The following KLF15 variants were observed in gnomAD, a reference collection of about 807,000 sequenced individuals.
KLF15 encodes Krueppel-like factor 15.
KLF15 carries 4 observed loss-of-function variants against 24.6 expected under a neutral mutation model. The observed-to-expected ratio is 0.16, with a 90% CI of 0.08 to 0.37. The LOEUF is 0.37. Among genes scored for constraint, KLF15 ranks in the 10% least tolerant of loss-of-function variants. The pLI is 1.00. For synonymous variants in KLF15, 246 were observed against 236.3 expected (o/e 1.04, Z -0.37); for missense variants, 496 against 560.6 (o/e 0.88, Z 1.16).
chr3:126,355,804 G>C (rs1258975949), intron 1 of KLF15, among the ~76,000 whole-genome samples: 2 of 152,238 alleles, frequency 1.3e-5, no homozygotes, highest in African/African-American at 4.8e-5. Flanking sequence ...GGGTCTTAAT[G>C]CTGGGCTGAA....
At chr3:126,339,918 C>T (rs1022629397), downstream of KLF15, among the ~76,000 whole-genome samples, 5 of 152,186 alleles carry the variant, frequency 3.3e-5, no homozygotes, top group African/African-American at 9.7e-5. Context: ...TTGGCTCCTA[C>T]GTAGGGCCTT....
the KLF15 span, among the ~76,000 whole-genome samples, chr3:126,317,628 T>G: frequency 2.6e-5 from 4 of 152,104 alleles, no homozygotes; most frequent in African/African-American, 4.8e-5. Flanking sequence ...TCACTGTGCA[T>G]GCAGACAGCC....
chr3:126,293,386 C>T, the KLF15 span, among the ~76,000 whole-genome samples: 1 of 152,080 alleles, frequency 6.6e-6, no homozygotes, highest in African/African-American at 2.4e-5. Flanking sequence ...GAGAAGCTGG[C>T]TTGTGGGTGG....
rs2082594678 is a variant in KLF15, at chr3:126,352,645, C to T, written c.278G>A (p.Gly93Asp). 1.3e-6 allele frequency: 2 copies of T among 1,573,178 alleles called. No homozygotes were observed. Among genetic ancestry groups the T allele is most frequent in the Non-Finnish European group, 1.7e-6 (2 of 1,158,972 alleles). The change falls in exon 2 of 3, where the codon GGC (glycine) becomes GAC (aspartate). Residue 93 changes from glycine to aspartate, a missense_variant. Gly to Asp is a moderately conservative substitution (Grantham distance 94). Coordinates refer to ENST00000296233, the MANE Select transcript of KLF15 (RefSeq NM_014079.4). ...QATLGSGGGS[G>D]SSIGASSGPV... ...GCCACTGCTGGCCCCAATGCTACTG[C>T]CGCTGCCCCCGCCACTGCCCAGCGT... is the stretch of plus-strand genomic sequence containing the variant.
At chr3:126,296,975 A>T in the KLF15 span, among the ~76,000 whole-genome samples, 19 of 152,152 alleles carry the variant, frequency 1.2e-4, no homozygotes, top group African/African-American at 4.3e-4. Flanking sequence ...GGGTCTTGTT[A>T]TGTTGCCCAA....
At chr3:126,344,715 T>C (rs1207328843) in intron 2 of KLF15, among the ~76,000 whole-genome samples, 4 of 151,822 alleles carry the variant, frequency 2.6e-5, no homozygotes, top group African/African-American at 9.7e-5. Flanking sequence ...GGGAGAGAGG[T>C]CCTCAGACTT....
chr3:126,309,318 C>T, the KLF15 span, among the ~76,000 whole-genome samples: 8 of 152,302 alleles, frequency 5.3e-5, no homozygotes, highest in African/African-American at 1.4e-4. Context: ...TCCAGGTCAG[C>T]GCTGCTCATA....
the KLF15 span, among the ~76,000 whole-genome samples, chr3:126,305,128 A>C: frequency 6.6e-6 from 1 of 152,194 alleles, no homozygotes; most frequent in African/African-American, 2.4e-5. Flanking sequence ...GGCTTGAGCA[A>C]CATCTTAGGC....
At chr3:126,337,654 G>A (rs1001523617), downstream of KLF15, among the ~76,000 whole-genome samples, 6 of 152,096 alleles carry the variant, frequency 3.9e-5, no homozygotes, top group Non-Finnish European at 8.8e-5. Context: ...GGTGAAGGGT[G>A]GATATTAAGG....
the KLF15 span, among the ~76,000 whole-genome samples, chr3:126,296,942 G>A: frequency 6.1e-4 from 92 of 151,606 alleles, no homozygotes; most frequent in African/African-American, 2.2e-3. Flanking sequence ...TCTTTTTTTC[G>A]TTTGTTTTGT....
At chr3:126,299,545 C>T in the KLF15 span, among the ~76,000 whole-genome samples, 5 of 151,704 alleles carry the variant, frequency 3.3e-5, no homozygotes, top group Admixed American at 2.6e-4. Flanking sequence ...GTCAGGAGAT[C>T]GAGACCATCC....
At chr3:126,321,555 G>A in the KLF15 span, among the ~76,000 whole-genome samples, 14 of 152,250 alleles carry the variant, frequency 9.2e-5, no homozygotes, top group Non-Finnish European at 2.1e-4. Context: ...GTGGCCCGCA[G>A]CCAGGTCAGT....
At chr3:126,306,502 C>T in the KLF15 span, among the ~76,000 whole-genome samples, 2 of 152,288 alleles carry the variant, frequency 1.3e-5, no homozygotes, top group East Asian at 1.9e-4. Flanking sequence ...GTGAGCTATC[C>T]GTGGGTCTGT....
At chr3:126,292,247 G>C in the KLF15 span, among the ~76,000 whole-genome samples, 1 of 152,094 alleles carries the variant, frequency 6.6e-6, no homozygotes, top group African/African-American at 2.4e-5. Flanking sequence ...TTAACAGGTG[G>C]GAAGAGTTCC....
the KLF15 span, among the ~76,000 whole-genome samples, chr3:126,307,383 A>G: frequency 6.6e-6 from 1 of 152,218 alleles, no homozygotes; most frequent in African/African-American, 2.4e-5. Flanking sequence ...CTGGGGACTC[A>G]GTGGATCCAG....
the KLF15 span, among the ~76,000 whole-genome samples, chr3:126,330,894 G>A: frequency 1.3e-5 from 2 of 152,192 alleles, no homozygotes; most frequent in Non-Finnish European, 2.9e-5. Flanking sequence ...CAGTGTCTCT[G>A]AAAGAATGAG....
the KLF15 span, among the ~76,000 whole-genome samples, chr3:126,309,424 A>T: frequency 1.3e-5 from 2 of 152,242 alleles, no homozygotes; most frequent in Non-Finnish European, 1.5e-5. Context: ...AGAGTCACAG[A>T]TAAGCAAGGG....
chr3:126,310,314 C>A, the KLF15 span, among the ~76,000 whole-genome samples: 1 of 152,348 alleles, frequency 6.6e-6, no homozygotes, highest in South Asian at 2.1e-4. Context: ...TCCAGGCAGC[C>A]CTTTTGCCCA....
At position 126,343,625 on chromosome 3, in the gene KLF15, C is replaced by T. The variant is rs567711784; in HGVS notation, c.*102G>A. ...CAGGCTTCAGAAGGTGGGCTGGTAACATTGCCATGTCCCTCTGGAGGAGGC... is the reference window on the plus strand; with the variant it reads ...CAGGCTTCAGAAGGTGGGCTGGTAATATTGCCATGTCCCTCTGGAGGAGGC... On this transcript the variant is annotated 3_prime_UTR_variant, in exon 3 of 3. Transcript: ENST00000296233. 2.2e-5 allele frequency: 26 copies of T among 1,193,122 alleles called. No individual in the cohort carries two copies. In the South Asian group the frequency reaches 3.5e-4, roughly 16 times the overall value. The allele number at this position is 1,193,122 out of a possible 1,614,324, so 73.9% of individuals were successfully genotyped here. A position where few individuals can be genotyped will look rare whatever the true frequency, so the allele number is the denominator to read the frequency against.
Sources: gnomAD v4.1 joint callset for allele counts (sites outside exome capture counted in the v4.1 genomes callset) on GRCh38, gnomAD v4.1.1 for gene constraint, MANE v1.5 for transcripts, NCBI Gene and HGNC (gene_info 2026-07-23, HGNC 2026-07-21) for gene names.